The following CAPN8 variants were observed in gnomAD, a reference collection of about 807,000 sequenced individuals.
CAPN8 encodes calpain-8.
In CAPN8, 87 loss-of-function variants were observed where a neutral mutation model predicts 80.9. That is an observed-to-expected ratio of 1.07 (90% CI 0.90 to 1.28). CAPN8 has a LOEUF of 1.28. Among genes scored for constraint, CAPN8 ranks in the 50% most tolerant of loss-of-function variants. The pLI is 0.00. For synonymous variants in CAPN8, 299 were observed against 273.8 expected (o/e 1.09, Z -0.91); for missense variants, 757 against 702.0 (o/e 1.08, Z -0.89).
Position 223,619,423 on chromosome 1 carries a change from G to A in CAPN8, c.1005C>T (p.Phe335=), listed in dbSNP as rs1657309843. ...WMSLSDFVRQ[F]SRLEICNLSP... ...ACAGGTTGCAGATCTCCAACCGAGA[G>A]AACTGCCTCACGAAATCTGAAAGTG... Residue 335 remains phenylalanine, a synonymous_variant, in exon 9 of 21, where the codon TTC becomes TTT. Coordinates refer to ENST00000366872, the MANE Select transcript of CAPN8 (RefSeq NM_001143962.2). 1.3e-6 allele frequency: 2 copies of A among 1,551,666 alleles called. No homozygotes were observed. Among genetic ancestry groups the A allele is most frequent in the Admixed American group, 2.0e-5 (1 of 51,000 alleles).
intron 2 of CAPN8, 81 bp from the exon 3 acceptor site, chr1:223,628,861 C>A (rs1165827577): frequency 1.5e-5 from 17 of 1,157,200 alleles, no homozygotes; most frequent in Non-Finnish European, 2.1e-5. Flanking sequence ...TCCCATTCAA[C>A]CCAGAGTCCA....
intron 2 of CAPN8, among the ~76,000 whole-genome samples, chr1:223,644,889 T>TATTA (rs1490254069): frequency 6.6e-6 from 1 of 152,180 alleles, no homozygotes; most frequent in African/African-American, 2.4e-5. Context: ...GATCCCTCTG[T>TATTA]ATTAGTCAGG....
chr1:223,634,130 C>A (rs1349645060), intron 2 of CAPN8, among the ~76,000 whole-genome samples: 1 of 152,110 alleles, frequency 6.6e-6, no homozygotes, highest in Non-Finnish European at 1.5e-5. Context: ...CGGAAGTGCC[C>A]CCAAGTCTCC....
At chr1:223,639,760 C>T (rs752356487) in intron 2 of CAPN8, among the ~76,000 whole-genome samples, 3 of 152,186 alleles carry the variant, frequency 2.0e-5, no homozygotes, top group Non-Finnish European at 4.4e-5. Context: ...TTTAACATTT[C>T]CTGTATTTGA....
intron 10 of CAPN8, 173 bp downstream of exon 10, chr1:223,615,797 A>G: frequency 1.3e-6 from 1 of 749,824 alleles, no homozygotes; most frequent in Non-Finnish European, 2.3e-6. Context: ...TGAATCTCTA[A>G]ATGTGGAATT....
intron 2 of CAPN8, among the ~76,000 whole-genome samples, chr1:223,640,197 C>A (rs138110202): frequency 2.3e-3 from 350 of 152,202 alleles, no homozygotes; most frequent in African/African-American, 7.6e-3. Flanking sequence ...AACAGCCTGA[C>A]TTCTTAAGAG....
At chr1:223,624,949 T>C (rs553942816) in intron 6 of CAPN8, among the ~76,000 whole-genome samples, 47 of 151,234 alleles carry the variant, frequency 3.1e-4, no homozygotes, top group African/African-American at 1.0e-3. Context: ...AAAAATTAGC[T>C]GGGCGTGGTG....
At chr1:223,637,055 T>TCTGACACTCACCTC (rs1657911093) in intron 2 of CAPN8, among the ~76,000 whole-genome samples, 1 of 152,318 alleles carries the variant, frequency 6.6e-6, no homozygotes, top group African/African-American at 2.4e-5. Flanking sequence ...TCCCCGACCT[T>TCTGACACTCACCTC]CTGACACTCA....
At chr1:223,635,461 G>A (rs990252014) in intron 2 of CAPN8, among the ~76,000 whole-genome samples, 4 of 152,182 alleles carry the variant, frequency 2.6e-5, no homozygotes, top group African/African-American at 9.7e-5. Flanking sequence ...TTGCTTTGTT[G>A]ACAATTCCCA....
chr1:223,556,750 G>A (rs1409293982), intron 13 of CAPN8, among the ~76,000 whole-genome samples: 5 of 152,130 alleles, frequency 3.3e-5, no homozygotes, highest in African/African-American at 1.2e-4. Context: ...GCAGAACCCT[G>A]CCCTTCCCAT....
At chr1:223,557,693 T>G (rs1158638487) in intron 13 of CAPN8, among the ~76,000 whole-genome samples, 1 of 152,244 alleles carries the variant, frequency 6.6e-6, no homozygotes, top group African/African-American at 2.4e-5. Context: ...CCCCTCAGAC[T>G]ACACATACTC....
At chr1:223,662,907 T>C (rs1340534704) in intron 1 of CAPN8, among the ~76,000 whole-genome samples, 1 of 152,234 alleles carries the variant, frequency 6.6e-6, no homozygotes, top group Admixed American at 6.5e-5. Context: ...AACTGTAAGA[T>C]CTTAGAGGAT....
intron 6 of CAPN8, among the ~76,000 whole-genome samples, chr1:223,624,207 G>T (rs1441312749): frequency 6.6e-6 from 1 of 152,166 alleles, no homozygotes; most frequent in Non-Finnish European, 1.5e-5. Context: ...CTCCCGAGTA[G>T]CTGGAACTAC....
intron 2 of CAPN8, among the ~76,000 whole-genome samples, chr1:223,630,156 G>T (rs1326942765): frequency 6.6e-6 from 1 of 151,944 alleles, no homozygotes; most frequent in Non-Finnish European, 1.5e-5. Flanking sequence ...CCATCACCAG[G>T]TCATCCTAGA....
intron 15 of CAPN8, 65 bp downstream of exon 15, chr1:223,550,886 GCCTGCCTAC>G: frequency 2.9e-6 from 2 of 693,876 alleles, no homozygotes; most frequent in South Asian, 3.1e-5. Flanking sequence ...CCAGCCCAAT[GCCTGCCTAC>G]CCATCCCTCA....
intron 10 of CAPN8, among the ~76,000 whole-genome samples, chr1:223,613,930 C>G (rs1286382403): frequency 1.3e-5 from 2 of 152,196 alleles, no homozygotes; most frequent in African/African-American, 4.8e-5. Context: ...AAATTATATG[C>G]CTGTGGCCAG....
At chr1:223,558,306 T>A (rs1180883184) in intron 12 of CAPN8, 139 bp from the exon 13 acceptor site, 3 of 393,624 alleles carry the variant, frequency 7.6e-6, no homozygotes, top group African/African-American at 2.1e-5. Context: ...AAAAACTGCA[T>A]AAACAGAATC....
chr1:223,557,921 CA>C (rs1419915951), intron 13 of CAPN8, among the ~76,000 whole-genome samples: 2 of 152,202 alleles, frequency 1.3e-5, no homozygotes, highest in African/African-American at 2.4e-5. Flanking sequence ...AGACCTCCCC[CA>C]GGGGGTAGGG....
intron 9 of CAPN8, 148 bp from the exon 10 acceptor site, chr1:223,616,293 T>A (rs764112076): frequency 3.4e-6 from 3 of 889,396 alleles, no homozygotes; most frequent in Non-Finnish European, 5.0e-6. Flanking sequence ...GAAAGTGTTC[T>A]TTACAAGGTG....
Sources: allele counts gnomAD v4.1 joint callset (sites outside exome capture counted in the v4.1 genomes callset), GRCh38; gene constraint gnomAD v4.1.1; transcripts MANE v1.5; gene names NCBI Gene and HGNC (gene_info 2026-07-23, HGNC 2026-07-21).